COL18A1: variants seen among roughly 807,000 people sequenced by gnomAD.
The protein encoded by COL18A1 is collagen alpha-1(XVIII) chain.
COL18A1 carries 133 observed loss-of-function variants against 168.0 expected under a neutral mutation model. That is an observed-to-expected ratio of 0.79 (90% CI 0.69 to 0.91). COL18A1 has a LOEUF of 0.91. COL18A1 is among the 40% of genes least tolerant of loss of function. The pLI is 0.00. For synonymous variants in COL18A1, 949 were observed against 809.0 expected (o/e 1.17, Z -2.94); for missense variants, 2,126 against 1,925.4 (o/e 1.10, Z -1.95).
chr21:45,498,473 G>A lies in COL18A1; in HGVS notation c.2683+812G>A, dbSNP rs1052565655. ...GTCCCCTCTCGCCGCCACGGTCCCC[G>A]CTCGCCGCCAGGGTCCCCTCTCGCT... On this transcript the variant is annotated intron_variant, in intron 32 of 41. Transcript: ENST00000651438. This position sits in a 1 kb window ranked among gnomAD's most constrained non-coding sequence, Gnocchi z 4.5. 6.4e-5 allele frequency: 42 copies of A among 656,160 alleles called. No individual in the cohort carries two copies. Among genetic ancestry groups the A allele is most frequent in the African/African-American group, 2.7e-4 (13 of 48,866 alleles). 40.6% of individuals were successfully genotyped at this position (656,160 alleles called of 1,614,324 possible). A position where few individuals can be genotyped will look rare whatever the true frequency, so the allele number is the denominator to read the frequency against.
At chr21:45,468,809 TG>T in intron 3 of COL18A1, 23 bp downstream of exon 3, 1 of 800,770 alleles carries the variant, frequency 1.2e-6, no homozygotes, top group Non-Finnish European at 1.9e-6. Flanking sequence ...GTGCCGTCGC[TG>T]GGGGACTGGA....
chr21:45,505,868 C>G lies in COL18A1; in HGVS notation c.3118C>G (p.Leu1040Val). 6.2e-7 allele frequency: 1 copy of G among 1,611,948 alleles called. No individual in the cohort carries two copies. Among genetic ancestry groups the G allele is most frequent in the Non-Finnish European group, 8.5e-7 (1 of 1,179,768 alleles). ...VRLWATRQAM[L>V]GQVHEVPEGW... The stretch of plus-strand genomic sequence containing the variant: ...GCTCTGGGCTACACGCCAGGCCATG[C>G]TGGGCCAGGTGCACGAGGTTCCCGA... Residue 1040 changes from leucine (L) to valine (V), a missense_variant, in exon 37 of 42, where the codon CTG (leucine) becomes GTG (valine). Coordinates refer to ENST00000651438, the MANE Select transcript of COL18A1 (RefSeq NM_001379500.1).
intron 8 of COL18A1, 144 bp from the exon 9 acceptor site, chr21:45,478,183 T>A (rs1602489799): frequency 9.3e-7 from 1 of 1,075,664 alleles, no homozygotes; most frequent in East Asian, 2.5e-5. Context: ...GTGAGGAGGC[T>A]CCTGGCGCGG....
rs573685383 is a variant in COL18A1, at chr21:45,459,969, C to T, written c.107-8273C>T. Among the ~76,000 whole-genome samples the T allele has an allele frequency of 2.6e-5, 4 of 151,780 alleles. No homozygotes were observed. The East Asian group carries it at 7.7e-4, about 29-fold the overall frequency. ...CCTCCTGAGCTCTCACAAACCCTGG[C>T]CCCTGGGACCGGAGGCAGGTGATGT... On this transcript the variant is annotated intron_variant, in intron 2 of 41. Transcript: ENST00000651438.
intron 4 of COL18A1, 143 bp from the exon 5 acceptor site, chr21:45,475,333 C>T: frequency 1.3e-6 from 1 of 770,346 alleles, no homozygotes; most frequent in African/African-American, 1.7e-5. Flanking sequence ...CAGCGGCCCC[C>T]CGGAGAGCAC....
intron 15 of COL18A1, 75 bp downstream of exon 15, chr21:45,482,896 G>A (rs1441478750): frequency 6.2e-7 from 1 of 1,609,402 alleles, no homozygotes; most frequent in Non-Finnish European, 8.5e-7. Context: ...CAAAGAGGGT[G>A]GCAGCCCCAC....
intron 2 of COL18A1, among the ~76,000 whole-genome samples, chr21:45,433,239 A>T (rs948469664): frequency 6.6e-6 from 1 of 152,246 alleles, no homozygotes; most frequent in Admixed American, 6.5e-5. Context: ...GGATGATAGG[A>T]CAGAACATTT....
At position 45,512,476 on chromosome 21, in the gene COL18A1, CAGCCCCT is replaced by C; in HGVS notation, c.*79_*85del. On this transcript the variant is annotated 3_prime_UTR_variant, in exon 42 of 42. Transcript: ENST00000651438. ...CCACCGTGGGCAGGGAGCGGCCGGC[CAGCCCCT>C]GGCCCCAGGACCTGGCTGCCATACT... The C allele has an allele frequency of 7.2e-7, 1 of 1,390,936 alleles. No individual in the cohort carries two copies. The highest frequency in any genetic ancestry group is 1.0e-6 in the Non-Finnish European group (1 of 1,001,870). 86.2% of individuals were successfully genotyped at this position (1,390,936 alleles called of 1,614,324 possible).
chr21:45,490,519 CA>C (rs764529470), intron 20 of COL18A1, among the ~76,000 whole-genome samples, 173 bp downstream of exon 20: 25 of 69,448 alleles, frequency 3.6e-4, no homozygotes, highest in South Asian at 1.4e-3. Flanking sequence ...TCCGTGTGCC[CA>C]CTCCCGGGTC....
chr21:45,509,847 C>T (rs562481536), intron 39 of COL18A1, among the ~76,000 whole-genome samples: 213 of 152,326 alleles, frequency 1.4e-3, no homozygotes, highest in Middle Eastern at 6.8e-3. Flanking sequence ...CCGCCTACAG[C>T]GGCAGCTGGG....
intron 22 of COL18A1, among the ~76,000 whole-genome samples, chr21:45,492,091 T>C (rs910634941): frequency 2.0e-5 from 3 of 151,570 alleles, no homozygotes; most frequent in Admixed American, 1.3e-4. Flanking sequence ...AGAGGAGGGG[T>C]GGAGTTGGGA....
intron 2 of COL18A1, among the ~76,000 whole-genome samples, chr21:45,454,990 C>T (rs765444880): frequency 3.3e-4 from 51 of 152,348 alleles, no homozygotes; most frequent in African/African-American, 1.1e-3. Flanking sequence ...AGACCCTCCC[C>T]GGGATGTTTA....
chr21:45,431,493 G>GA (rs1405875309), intron 2 of COL18A1, among the ~76,000 whole-genome samples: 3 of 90,564 alleles, frequency 3.3e-5, no homozygotes, highest in African/African-American at 1.9e-4. Context: ...AGGGGAGGGG[G>GA]CAGGCAGGAC....
At chr21:45,503,815 T>A (rs2037015755) in intron 32 of COL18A1, 196 bp from the exon 33 acceptor site, 1 of 368,194 alleles carries the variant, frequency 2.7e-6, no homozygotes, top group Non-Finnish European at 4.8e-6. Flanking sequence ...AAAAATAAAA[T>A]AAAAATAAAA....
chr21:45,491,644 C>T (rs1407227527), intron 22 of COL18A1, among the ~76,000 whole-genome samples: 1 of 152,168 alleles, frequency 6.6e-6, no homozygotes, highest in Non-Finnish European at 1.5e-5. Context: ...CCAGCTGCCC[C>T]GTCAGAAGAA....
chr21:45,475,107 C>T (rs1412524986), intron 4 of COL18A1, among the ~76,000 whole-genome samples: 2 of 152,216 alleles, frequency 1.3e-5, no homozygotes, highest in African/African-American at 2.4e-5. Context: ...CCCAGCCGGG[C>T]GTGCGCTGGG....
At chr21:45,432,699 C>T (rs540493380) in intron 2 of COL18A1, among the ~76,000 whole-genome samples, 250 of 152,296 alleles carry the variant, frequency 1.6e-3, no homozygotes, top group African/African-American at 5.5e-3. Context: ...TGAGCCATTC[C>T]GTGGGTCCGT....
chr21:45,483,373 C>T (rs1459032778), intron 15 of COL18A1, among the ~76,000 whole-genome samples: 1 of 152,224 alleles, frequency 6.6e-6, no homozygotes, highest in Non-Finnish European at 1.5e-5. Context: ...ACCCTCTGGA[C>T]TCGGGGCAGC....
intron 4 of COL18A1, among the ~76,000 whole-genome samples, 173 bp downstream of exon 4, chr21:45,474,154 A>C (rs932431376): frequency 1.3e-5 from 2 of 152,172 alleles, no homozygotes; most frequent in African/African-American, 4.8e-5. Flanking sequence ...CTTGCCCTGA[A>C]CTTTCCCATA....
Sources: gnomAD v4.1 joint callset for allele counts (sites outside exome capture counted in the v4.1 genomes callset) on GRCh38, gnomAD v4.1.1 for gene constraint, Gnocchi (gnomAD v3.1) non-coding constraint, MANE v1.5 for transcripts, NCBI Gene and HGNC (gene_info 2026-07-23, HGNC 2026-07-21) for gene names.